The following DNMBP variants were observed in gnomAD, a reference collection of about 807,000 sequenced individuals.
The protein encoded by DNMBP is dynamin binding protein.
In DNMBP, 87 loss-of-function variants were observed where a neutral mutation model predicts 150.0. That is an observed-to-expected ratio of 0.58 (90% CI 0.49 to 0.69). The LOEUF is 0.69. Among genes scored for constraint, DNMBP ranks in the 30% least tolerant of loss-of-function variants. The pLI, the probability that DNMBP is intolerant of heterozygous loss-of-function variation, is 0.00. For synonymous variants in DNMBP, 711 were observed against 750.4 expected (o/e 0.95, Z 0.86); for missense variants, 1,774 against 1,949.0 (o/e 0.91, Z 1.69).
chr10:100,007,407 C>A (rs902069554), intron 1 of DNMBP, among the ~76,000 whole-genome samples: 4 of 152,182 alleles, frequency 2.6e-5, no homozygotes, highest in African/African-American at 9.7e-5. Context: ...CACAGGTGCC[C>A]CCCACAAGCA....
At chr10:99,910,091 T>C (rs1189220699) in intron 4 of DNMBP, among the ~76,000 whole-genome samples, 1 of 152,240 alleles carries the variant, frequency 6.6e-6, no homozygotes, top group Non-Finnish European at 1.5e-5. Context: ...ACAAATTTGG[T>C]ATGTAAATAT....
At position 99,889,183 on chromosome 10, in the gene DNMBP, A is replaced by C. The variant is rs1462488840; in HGVS notation, c.3157-230T>G. 1.3e-5 allele frequency: 6 copies of C among 464,752 alleles called. No homozygotes were observed. In the South Asian group the frequency reaches 1.4e-4, roughly 11 times the overall value. 28.8% of individuals were successfully genotyped at this position (464,752 alleles called of 1,614,324 possible). A position where few individuals can be genotyped will look rare whatever the true frequency, so the allele number is the denominator to read the frequency against. ...CTTAACAAAACTGTTGAGGGCTTTTATCATCTCTTTAGCATTCCCCTATGT... is the reference window on the plus strand; with the variant it reads ...CTTAACAAAACTGTTGAGGGCTTTTCTCATCTCTTTAGCATTCCCCTATGT... On this transcript the variant is annotated intron_variant, in intron 11 of 16. Transcript: ENST00000324109.
In DNMBP at chr10:99,955,392, C is replaced by T. The variant is rs1248909669; in HGVS notation, c.2082G>A (p.Val694=). The change falls in exon 4 of 17, where the codon GTG becomes GTA. Residue 694 remains valine (V), a synonymous_variant. Transcript: ENST00000324109. ...SLDQTSPCPL[V]LVRIEEMERD... is the part of the protein sequence containing the mutation. ...GCTCCATTTCCTCAATCCTCACCAGCACTAAGGGGCATGGGGAGGTCTGGT... is the reference window on the plus strand; with the variant it reads ...GCTCCATTTCCTCAATCCTCACCAGTACTAAGGGGCATGGGGAGGTCTGGT... 6.2e-7 allele frequency: 1 copy of T among 1,614,190 alleles called. No individual in the cohort carries two copies. Among genetic ancestry groups the T allele is most frequent in the Middle Eastern group, 1.7e-4 (1 of 6,060 alleles).
At position 99,885,833 on chromosome 10, in the gene DNMBP, T is replaced by C; in HGVS notation, c.3652A>G (p.Ile1218Val). The stretch of plus-strand genomic sequence containing the variant: ...CTGTGCTCTTCGTGGAAGATGGCAA[T>C]AAGGTTTCCCTCTCTGCCAGCCACT... ...LKVAGREGNL[I>V]AIFHEEHSRV... Residue 1218 changes from isoleucine to valine, a missense_variant, in exon 14 of 17, where the codon ATT becomes GTT. Coordinates refer to ENST00000324109, the MANE Select transcript of DNMBP (RefSeq NM_015221.4). 6.2e-7 allele frequency: 1 copy of C among 1,613,246 alleles called. No individual in the cohort carries two copies. Among genetic ancestry groups the C allele is most frequent in the Non-Finnish European group, 8.5e-7 (1 of 1,179,760 alleles).
intron 4 of DNMBP, among the ~76,000 whole-genome samples, chr10:99,939,060 G>A (rs1199217103): frequency 6.6e-6 from 1 of 151,954 alleles, no homozygotes; most frequent in Non-Finnish European, 1.5e-5. Context: ...GGATTTGGAA[G>A]GAGAGAGAAG....
rs1156838920 is a variant in DNMBP, at chr10:99,956,073, C to T, written c.1401G>A (p.Gln467=). ...ASLPPKRMYS[Q]LKTLQKPVLP... is the part of the protein sequence containing the mutation. ...GCACTGGCTTCTGAAGAGTTTTTAG[C>T]TGGGAATACATTCTTTTGGGAGGTA... Residue 467 remains glutamine, a synonymous_variant, in exon 4 of 17, where the codon CAG becomes CAA. Transcript: ENST00000324109. 6.2e-7 allele frequency: 1 copy of T among 1,614,054 alleles called. No individual in the cohort carries two copies. Among genetic ancestry groups the T allele is most frequent in the African/African-American group, 1.3e-5 (1 of 74,920 alleles).
chr10:99,877,856 ACT>A (rs959770862), intron 16 of DNMBP, among the ~76,000 whole-genome samples: 4 of 151,910 alleles, frequency 2.6e-5, no homozygotes, highest in African/African-American at 7.3e-5. Flanking sequence ...ACAGAGTGAG[ACT>A]CTGTCTTGGA....
intron 1 of DNMBP, among the ~76,000 whole-genome samples, chr10:100,007,541 C>T (rs2041088113): frequency 6.6e-6 from 1 of 152,002 alleles, no homozygotes; most frequent in Admixed American, 6.5e-5. Context: ...TCAGACTCCT[C>T]ACACAATGCC....
intron 1 of DNMBP, among the ~76,000 whole-genome samples, chr10:99,979,285 A>G (rs2133363622): frequency 6.6e-6 from 1 of 152,298 alleles, no homozygotes; most frequent in East Asian, 1.9e-4. Context: ...CCTATCACCA[A>G]GTATCTACCC....
At chr10:99,986,951 G>A (rs986024379) in intron 1 of DNMBP, among the ~76,000 whole-genome samples, 37 of 151,964 alleles carry the variant, frequency 2.4e-4, no homozygotes, top group African/African-American at 7.7e-4. Context: ...TCAGGAGATC[G>A]AGACCATCCT....
chr10:99,898,067 G>A lies in DNMBP; in HGVS notation c.2920+19C>T, dbSNP rs2039682124. 1 of 1,604,200 alleles carries A rather than the reference G, an allele frequency of 6.2e-7. No individual in the cohort carries two copies. Among genetic ancestry groups the A allele is most frequent in the Non-Finnish European group, 8.5e-7 (1 of 1,171,154 alleles). On this transcript the variant is annotated intron_variant, in intron 9 of 16. Transcript: ENST00000324109. Reference sequence around the variant, plus strand: ...TCTCAAAGGGCATACCTCCTTTTCAGCAATTATGCTGTTCTTACCCAGGTC... The same window carrying A: ...TCTCAAAGGGCATACCTCCTTTTCAACAATTATGCTGTTCTTACCCAGGTC...
chr10:99,876,477 C>T lies in DNMBP; in HGVS notation c.*674G>A, dbSNP rs1467430915. ...TGAAGGGTCAACAGAAAATAAAGAC[C>T]CTAAACACTTCTAAAAGTAGAACGC... is the stretch of plus-strand genomic sequence containing the variant. On this transcript the variant is annotated 3_prime_UTR_variant, in exon 17 of 17. Transcript: ENST00000324109. The T allele has an allele frequency of 6.6e-6, 1 of 151,918 alleles. No individual in the cohort carries two copies. The highest frequency in any genetic ancestry group is 1.9e-4 in the East Asian group (1 of 5,196). 9.4% of individuals were successfully genotyped at this position (151,918 alleles called of 1,614,324 possible).
chr10:99,929,550 A>T, intron 4 of DNMBP: 1 of 609,196 alleles, frequency 1.6e-6, no homozygotes, highest in Non-Finnish European at 2.9e-6. Flanking sequence ...TACCTGGTAT[A>T]ACTACCCTTT....
At chr10:99,968,453 G>A (rs980388581) in intron 3 of DNMBP, among the ~76,000 whole-genome samples, 8 of 152,172 alleles carry the variant, frequency 5.3e-5, no homozygotes, top group Middle Eastern at 3.4e-3. Context: ...TTGGGAGGCC[G>A]AGGCAGGCAG....
intron 13 of DNMBP, 143 bp from the exon 14 acceptor site, chr10:99,886,009 T>C (rs2133201234): frequency 1.1e-6 from 1 of 872,064 alleles, no homozygotes; most frequent in Non-Finnish European, 1.7e-6. Flanking sequence ...CTGCAGCTCA[T>C]TCTCTGAGCT....
chr10:99,973,749 G>C (rs2040701386), intron 1 of DNMBP, among the ~76,000 whole-genome samples: 1 of 152,250 alleles, frequency 6.6e-6, no homozygotes, highest in African/African-American at 2.4e-5. Context: ...CGAGGCCAAG[G>C]CGGGCAGATC....
rs2039652574 is a variant in DNMBP, at chr10:99,896,334, TG to T, written c.2983del (p.His995ThrfsTer14). 1 of 1,613,822 alleles carries T rather than the reference TG, an allele frequency of 6.2e-7. No individual in the cohort carries two copies. ...LMEKISKLNI[H>X]SIIKKSNRVS... ...TCGGTTGGATTTCTTGATGATGGAG[TG>T]GATGTTCAGTTTGGAAATTTTCTCC... On this transcript the variant is annotated frameshift_variant, in exon 10 of 17. Transcript: ENST00000324109. LOFTEE classifies it high-confidence loss of function.
At chr10:99,894,760 A>G (rs2039626210) in intron 11 of DNMBP, among the ~76,000 whole-genome samples, 186 bp downstream of exon 11, 1 of 152,224 alleles carries the variant, frequency 6.6e-6, no homozygotes, top group African/African-American at 2.4e-5. Flanking sequence ...AATGAATGTG[A>G]CAACATTGAT....
At chr10:99,915,108 A>AAAAATAT (rs10654940) in intron 4 of DNMBP, among the ~76,000 whole-genome samples, 1,562 of 99,578 alleles carry the variant, frequency 0.016, 27 homozygotes, top group African/African-American at 0.023. Flanking sequence ...AAAAAAAAAA[A>AAAAATAT]ATATATATAT....
Sources: gnomAD v4.1 joint callset for allele counts (sites outside exome capture counted in the v4.1 genomes callset) on GRCh38, gnomAD v4.1.1 for gene constraint, MANE v1.5 for transcripts, NCBI Gene and HGNC (gene_info 2026-07-23, HGNC 2026-07-21) for gene names.